The following TAOK3 variants were observed in gnomAD, a reference collection of about 807,000 sequenced individuals.
TAOK3 encodes TAO kinase 3.
Under a neutral mutation model 120.4 loss-of-function variants are expected in TAOK3, and 40 were observed. The ratio of observed to expected loss-of-function variants is 0.33; its 90% CI spans 0.26 to 0.43. The LOEUF (loss-of-function observed/expected upper bound fraction) is 0.43. Ranked by LOEUF, TAOK3 falls within the 20% of genes least tolerant of loss-of-function variation. The pLI is 1.00. For missense variants in TAOK3, 821 were observed against 1,112.1 expected (o/e 0.74, Z 3.72); for synonymous variants, 355 against 387.5 (o/e 0.92, Z 0.99).
intron 11 of TAOK3, among the ~76,000 whole-genome samples, chr12:118,212,034 T>C (rs1281512281): frequency 1.3e-5 from 2 of 152,218 alleles, no homozygotes; most frequent in Non-Finnish European, 2.9e-5. Context: ...ACCATACTCC[T>C]GTGGCCTACC....
At chr12:118,282,540 T>G (rs897210129) in intron 1 of TAOK3, among the ~76,000 whole-genome samples, 1 of 152,202 alleles carries the variant, frequency 6.6e-6, no homozygotes, top group African/African-American at 2.4e-5. Context: ...GGTTTTTAGT[T>G]GCAAATAATA....
intron 13 of TAOK3, among the ~76,000 whole-genome samples, chr12:118,194,159 T>C (rs1373379762): frequency 6.6e-6 from 1 of 152,172 alleles, no homozygotes; most frequent in African/African-American, 2.4e-5. Flanking sequence ...TGCGGGGGGA[T>C]GTATCTAAAA....
chr12:118,150,977 A>G lies in TAOK3; in HGVS notation c.*20T>C, dbSNP rs567579855. On this transcript the variant is annotated 3_prime_UTR_variant, in exon 21 of 21. Transcript: ENST00000392533. The stretch of plus-strand genomic sequence containing the variant: ...TTTTCTTTTTTTTTTTTTTTTTTGT[A>G]AATGGCAAAAAATTTAATCTCATCT... The G allele has an allele frequency of 2.9e-5, 36 of 1,245,084 alleles. No homozygotes were observed. The East Asian group carries it at 1.0e-3, about 36-fold the overall frequency. The allele number at this position is 1,245,084 out of a possible 1,614,324, so 77.1% of individuals were successfully genotyped here.
chr12:118,368,343 C>T (rs1288437434), intron 1 of TAOK3, among the ~76,000 whole-genome samples: 1 of 151,988 alleles, frequency 6.6e-6, no homozygotes, highest in Admixed American at 6.6e-5. Flanking sequence ...ATTACAGGCG[C>T]CTGCCACCAC....
chr12:118,250,350 C>G (rs2040695898), intron 3 of TAOK3, among the ~76,000 whole-genome samples: 1 of 152,160 alleles, frequency 6.6e-6, no homozygotes, highest in South Asian at 2.1e-4. Flanking sequence ...CTGAACATAA[C>G]ATATACTCTC....
At chr12:118,163,765 G>A (rs2035386222) in intron 17 of TAOK3, among the ~76,000 whole-genome samples, 1 of 152,054 alleles carries the variant, frequency 6.6e-6, no homozygotes, top group Admixed American at 6.5e-5. Flanking sequence ...GCAATGGAGT[G>A]CAATGGTGTG....
intron 11 of TAOK3, among the ~76,000 whole-genome samples, chr12:118,205,229 T>C (rs1030248935): frequency 2.0e-5 from 3 of 150,310 alleles, no homozygotes; most frequent in Non-Finnish European, 3.0e-5. Context: ...TAGCCAGGCG[T>C]GGTAGTGCCC....
At chr12:118,270,258 C>T (rs567329700) in intron 1 of TAOK3, among the ~76,000 whole-genome samples, 1 of 152,264 alleles carries the variant, frequency 6.6e-6, no homozygotes, top group East Asian at 1.9e-4. Flanking sequence ...ATTTCTGCTT[C>T]CTGTTTTTCC....
chr12:118,235,976 A>G (rs770173462), intron 7 of TAOK3: 2 of 241,678 alleles, frequency 8.3e-6, no homozygotes, highest in African/African-American at 2.2e-5. Flanking sequence ...TTCAGCTGCT[A>G]CACTTACAAA....
chr12:118,279,751 T>G (rs1326710601), intron 1 of TAOK3, among the ~76,000 whole-genome samples: 1 of 150,376 alleles, frequency 6.6e-6, no homozygotes, highest in African/African-American at 2.5e-5. Flanking sequence ...GCCCAGCTAA[T>G]TTTTGTTTTT....
intron 1 of TAOK3, among the ~76,000 whole-genome samples, chr12:118,336,408 AT>A (rs2044368532): frequency 1.3e-5 from 2 of 152,222 alleles, no homozygotes; most frequent in South Asian, 2.1e-4. Flanking sequence ...AGGCAAAAAA[AT>A]AAACCATGAC....
chr12:118,338,912 G>C (rs375519474), intron 1 of TAOK3, among the ~76,000 whole-genome samples: 3 of 151,992 alleles, frequency 2.0e-5, no homozygotes, highest in Non-Finnish European at 4.4e-5. Flanking sequence ...ATAGGAGATG[G>C]GAAGTGGAGA....
At chr12:118,265,254 T>C (rs1252219376) in intron 2 of TAOK3, among the ~76,000 whole-genome samples, 1 of 151,948 alleles carries the variant, frequency 6.6e-6, no homozygotes, top group Admixed American at 6.6e-5. Flanking sequence ...CCGGGCATGG[T>C]GGCGCTTGCC....
chr12:118,168,362 G>A lies in TAOK3; in HGVS notation c.1899+4095C>T, dbSNP rs112784896. Among the ~76,000 whole-genome samples, 556 of 152,282 alleles carry A rather than the reference G, an allele frequency of 3.7e-3. 2 individuals are homozygous for A. The highest frequency in any genetic ancestry group is 0.012 in the African/African-American group (517 of 41,558). ...TCCCTACTCAACCCCATGCACACAT[G>A]CACACAAATGTAACTATGCGGAGGT... On this transcript the variant is annotated intron_variant, in intron 17 of 20. Transcript: ENST00000392533.
intron 11 of TAOK3, among the ~76,000 whole-genome samples, chr12:118,209,882 T>C (rs2038536039): frequency 2.6e-5 from 4 of 151,632 alleles, no homozygotes; most frequent in African/African-American, 9.7e-5. Context: ...CCTGGCTAAT[T>C]TTTGTAGAGA....
In TAOK3 at chr12:118,316,512, A is replaced by T. The variant is rs77750482; in HGVS notation, c.-193-49753T>A. Among the ~76,000 whole-genome samples, 985 of 151,492 alleles carry T rather than the reference A, an allele frequency of 6.5e-3. 13 individuals carry two copies. The highest frequency in any genetic ancestry group is 0.022 in the African/African-American group (927 of 41,254). ...CAATCTCGGATCACTGCAGCATCCT[A>T]CCCTCAGCCTCCTGAGTAGCTGGGA... On this transcript the variant is annotated intron_variant, in intron 1 of 20. Transcript: ENST00000392533.
At chr12:118,208,331 T>C (rs2038442287) in intron 11 of TAOK3, among the ~76,000 whole-genome samples, 1 of 152,120 alleles carries the variant, frequency 6.6e-6, no homozygotes. Flanking sequence ...AAAAGGTAGA[T>C]TTTTACCTCA....
intron 1 of TAOK3, among the ~76,000 whole-genome samples, chr12:118,292,446 C>T (rs923183314): frequency 2.5e-4 from 38 of 152,148 alleles, no homozygotes; most frequent in Non-Finnish European, 8.8e-5. Context: ...TAATCAACAA[C>T]ATCATCATCA....
intron 1 of TAOK3, among the ~76,000 whole-genome samples, chr12:118,336,356 A>G (rs2044366822): frequency 2.6e-5 from 4 of 152,228 alleles, no homozygotes; most frequent in Admixed American, 2.6e-4. Context: ...CGGAGAAAAA[A>G]TTCCTTTTCA....
Sources: allele counts gnomAD v4.1 joint callset (sites outside exome capture counted in the v4.1 genomes callset), GRCh38; gene constraint gnomAD v4.1.1; transcripts MANE v1.5; gene names NCBI Gene and HGNC (gene_info 2026-07-23, HGNC 2026-07-21).